ADTRP: variants seen among roughly 807,000 people sequenced by gnomAD.
The protein encoded by ADTRP is androgen dependent TFPI regulating protein.
A neutral mutation model predicts 27.0 loss-of-function variants in ADTRP; 20 were observed. The observed-to-expected ratio is 0.74, with a 90% CI of 0.52 to 1.08. The LOEUF is 1.08. ADTRP is among the 50% of genes least tolerant of loss of function. The probability of loss-of-function intolerance (pLI) is 0.00; values close to 1 mark genes in which losing one functional copy is unlikely to be tolerated. For missense variants in ADTRP, 251 were observed against 275.0 expected (o/e 0.91, Z 0.62); for synonymous variants, 101 against 105.2 (o/e 0.96, Z 0.25).
chr6:11,731,628 A>G lies in ADTRP; in HGVS notation c.506+3940T>C, dbSNP rs565945130. Among the ~76,000 whole-genome samples, 4 of 125,286 alleles carry G rather than the reference A, an allele frequency of 3.2e-5. No homozygotes were observed. The Admixed American group carries it at 3.3e-4, about 10-fold the overall frequency. The allele number at this position is 125,286 out of a possible 152,430, so 82.2% of individuals were successfully genotyped here. A position where few individuals can be genotyped will look rare whatever the true frequency, so the allele number is the denominator to read the frequency against. On this transcript the variant is annotated intron_variant, in intron 4 of 5. Coordinates refer to ENST00000414691, the MANE Select transcript of ADTRP (RefSeq NM_032744.4). ...CCTTGGGACTGTGCTCCTTTTGTTT[A>G]CCTTCTCTCATTTTTTCTAGCTCCA...
intron 2 of ADTRP, chr6:11,767,765 T>C (rs1248631461): frequency 6.5e-6 from 1 of 153,434 alleles, no homozygotes; most frequent in Non-Finnish European, 1.5e-5. Flanking sequence ...CTCTCCTCGG[T>C]TGTCTTTTCC....
At chr6:11,737,492 G>A (rs1165963723) in intron 3 of ADTRP, among the ~76,000 whole-genome samples, 1 of 152,198 alleles carries the variant, frequency 6.6e-6, no homozygotes, top group East Asian at 1.9e-4. Flanking sequence ...TTGTGCTCAG[G>A]AGGCATCCCC....
At chr6:11,742,864 GT>G in intron 3 of ADTRP, among the ~76,000 whole-genome samples, 1 of 152,078 alleles carries the variant, frequency 6.6e-6, no homozygotes. Context: ...TGTTTTGTTT[GT>G]TTTTGTTCCA....
At chr6:11,764,589 A>T (rs1047109252) in intron 3 of ADTRP, among the ~76,000 whole-genome samples, 1 of 151,888 alleles carries the variant, frequency 6.6e-6, no homozygotes. Flanking sequence ...TGTATTGATC[A>T]AGCAAAGCGA....
chr6:11,763,620 C>G (rs1407377521), intron 3 of ADTRP, among the ~76,000 whole-genome samples: 1 of 152,212 alleles, frequency 6.6e-6, no homozygotes, highest in East Asian at 1.9e-4. Context: ...TTCCTTTGGA[C>G]TGTCATGGAC....
At chr6:11,776,243 T>C (rs1763953039) in intron 1 of ADTRP, among the ~76,000 whole-genome samples, 1 of 152,164 alleles carries the variant, frequency 6.6e-6, no homozygotes, top group South Asian at 2.1e-4. Context: ...CAAGCCCCTC[T>C]CAGCTTATTT....
In ADTRP at chr6:11,765,318, G is replaced by GT. The variant is rs1561771294; in HGVS notation, c.390+955_390+956insA. Among the ~76,000 whole-genome samples the GT allele has an allele frequency of 4.8e-3, 473 of 98,694 alleles. 6 individuals are homozygous for GT. Among genetic ancestry groups the GT allele is most frequent in the Admixed American group, 0.034 (292 of 8,508 alleles). 64.7% of individuals were successfully genotyped at this position (98,694 alleles called of 152,430 possible). ...TGCCACTTCCTTGTGCCTTTCCCCT[G>GT]GTTTGTTTTTTTTTTTTTTTTTTTT... On this transcript the variant is annotated intron_variant, in intron 3 of 5. Coordinates refer to ENST00000414691, the MANE Select transcript of ADTRP (RefSeq NM_032744.4).
intron 1 of ADTRP, among the ~76,000 whole-genome samples, chr6:11,769,055 G>A (rs1019833802): frequency 6.6e-6 from 1 of 152,132 alleles, no homozygotes; most frequent in Non-Finnish European, 1.5e-5. Flanking sequence ...GGCCCCCAAA[G>A]CCAGGAGAAA....
intron 3 of ADTRP, among the ~76,000 whole-genome samples, chr6:11,758,697 A>T (rs964708075): frequency 1.3e-5 from 2 of 151,662 alleles, no homozygotes; most frequent in African/African-American, 4.8e-5. Context: ...GTGCACATGT[A>T]CCCTAAAACT....
intron 3 of ADTRP, among the ~76,000 whole-genome samples, chr6:11,759,506 TAA>T (rs200483942): frequency 2.0e-5 from 3 of 151,580 alleles, no homozygotes; most frequent in Admixed American, 2.0e-4. Flanking sequence ...CTTTTTTTTT[TAA>T]AAAAGAAAAT....
At chr6:11,717,262 A>C (rs199701563) in intron 5 of ADTRP, 1 of 1,298,400 alleles carries the variant, frequency 7.7e-7, no homozygotes, top group Non-Finnish European at 1.0e-6. Context: ...AACTGCTGTC[A>C]GATAGTAGCA....
intron 4 of ADTRP, among the ~76,000 whole-genome samples, chr6:11,734,951 C>G (rs191921): frequency 0.86 from 130,572 of 152,210 alleles, 56,367 homozygotes; most frequent in East Asian, 1. Flanking sequence ...AAGTTTCCCA[C>G]TCACTGGGTG....
intron 4 of ADTRP, among the ~76,000 whole-genome samples, chr6:11,727,486 A>G (rs1204042682): frequency 6.6e-6 from 1 of 152,194 alleles, no homozygotes; most frequent in African/African-American, 2.4e-5. Flanking sequence ...GGAGCTCTGA[A>G]TGTACTCCAA....
At chr6:11,744,121 T>C (rs1375364086) in intron 3 of ADTRP, among the ~76,000 whole-genome samples, 1 of 151,962 alleles carries the variant, frequency 6.6e-6, no homozygotes, top group Non-Finnish European at 1.5e-5. Flanking sequence ...TTAGTTCCCA[T>C]GAGATCTGGT....
intron 1 of ADTRP, among the ~76,000 whole-genome samples, chr6:11,772,480 A>C (rs1438585977): frequency 6.6e-6 from 1 of 152,234 alleles, no homozygotes; most frequent in Non-Finnish European, 1.5e-5. Flanking sequence ...CTCTCTCTTT[A>C]AACTACCTTA....
At chr6:11,746,789 C>T (rs1001193291) in intron 3 of ADTRP, among the ~76,000 whole-genome samples, 2 of 152,148 alleles carry the variant, frequency 1.3e-5, no homozygotes, top group South Asian at 2.1e-4. Flanking sequence ...CAGGCGCTTG[C>T]CCCTTGTGTT....
At chr6:11,778,510 A>C (rs1326918957) in intron 1 of ADTRP, 97 bp downstream of exon 1, 1 of 1,418,020 alleles carries the variant, frequency 7.1e-7, no homozygotes, top group Non-Finnish European at 9.4e-7. Context: ...GACAAATAAC[A>C]AAATTGTGTA....
chr6:11,724,848 A>C (rs1762134374), intron 4 of ADTRP, among the ~76,000 whole-genome samples: 1 of 152,248 alleles, frequency 6.6e-6, no homozygotes, highest in Admixed American at 6.5e-5. Context: ...TGCTTGGCAC[A>C]TTGTAATATT....
rs964054703 is a variant in ADTRP at position 11,718,480 on chromosome 6, G to A, written c.659-3968C>T. Among the ~76,000 whole-genome samples the A allele has an allele frequency of 2.0e-5, 3 of 152,220 alleles. No homozygotes were observed. The South Asian group carries it at 6.2e-4, about 31-fold the overall frequency. On this transcript the variant is annotated intron_variant, in intron 5 of 5. Transcript: ENST00000414691. ...GAAAATTAAGCACATAAGGGGCAGA[G>A]AAGGGAGCCTTTGATAGGATGTCCT...
Sources: allele counts gnomAD v4.1 joint callset (sites outside exome capture counted in the v4.1 genomes callset), GRCh38; gene constraint gnomAD v4.1.1; transcripts MANE v1.5; gene names NCBI Gene and HGNC (gene_info 2026-07-23, HGNC 2026-07-21).